The following C13orf42 variants were observed in gnomAD, a reference collection of about 807,000 sequenced individuals.
C13orf42 encodes the protein chromosome 13 open reading frame 42.
intron 1 of C13orf42, chr13:51,172,201 G>A (rs1244669088): frequency 6.6e-6 from 1 of 152,156 alleles, no homozygotes; most frequent in Non-Finnish European, 1.5e-5. Flanking sequence ...TTCCTCCTAA[G>A]CCGCGTCCCA....
intron 3 of C13orf42, among the ~76,000 whole-genome samples, chr13:51,084,599 A>T (rs1050783491): frequency 6.6e-6 from 1 of 152,224 alleles, no homozygotes; most frequent in African/African-American, 2.4e-5. Flanking sequence ...GGGAAATGCT[A>T]TCTAGAAAGC....
chr13:51,117,580 A>C (rs1347766821), intron 1 of C13orf42, among the ~76,000 whole-genome samples: 1 of 152,210 alleles, frequency 6.6e-6, no homozygotes, highest in Non-Finnish European at 1.5e-5. Flanking sequence ...CCAAGGTAGA[A>C]GGCTGAGACT....
chr13:51,160,232 G>A (rs946038072), intron 1 of C13orf42, among the ~76,000 whole-genome samples: 1 of 152,236 alleles, frequency 6.6e-6, no homozygotes, highest in Non-Finnish European at 1.5e-5. Flanking sequence ...TGATTTGTGG[G>A]ACGAGAATGG....
At chr13:51,128,779 A>G (rs1953593726) in intron 1 of C13orf42, among the ~76,000 whole-genome samples, 1 of 152,174 alleles carries the variant, frequency 6.6e-6, no homozygotes, top group Non-Finnish European at 1.5e-5. Context: ...TTAAAGGGAA[A>G]TATTAGGGAA....
intron 1 of C13orf42, among the ~76,000 whole-genome samples, chr13:51,165,023 G>C (rs141355338): frequency 1.3e-5 from 2 of 152,322 alleles, no homozygotes; most frequent in East Asian, 1.9e-4. Context: ...AACTGAGTAA[G>C]ATCATTACGG....
intron 1 of C13orf42, among the ~76,000 whole-genome samples, chr13:51,104,000 T>C (rs555239475): frequency 6.6e-6 from 1 of 152,370 alleles, no homozygotes; most frequent in African/African-American, 2.4e-5. Context: ...TGCCACTGCA[T>C]TGTACGCTTT....
chr13:51,126,609 C>T (rs1482125556), intron 1 of C13orf42, among the ~76,000 whole-genome samples: 3 of 152,290 alleles, frequency 2.0e-5, no homozygotes, highest in East Asian at 3.9e-4. Context: ...ATGGAAGGTG[C>T]TAGGCAAAAA....
chr13:51,131,009 T>A (rs536356437), intron 1 of C13orf42, among the ~76,000 whole-genome samples: 5 of 152,266 alleles, frequency 3.3e-5, no homozygotes, highest in Admixed American at 2.0e-4. Flanking sequence ...TAAAAGAGAT[T>A]CCATGTGCCA....
chr13:51,145,298 G>A (rs1162060488), intron 1 of C13orf42, among the ~76,000 whole-genome samples: 1 of 151,988 alleles, frequency 6.6e-6, no homozygotes, highest in Non-Finnish European at 1.5e-5. Context: ...ATTAATATAT[G>A]GACTTCAGAG....
At chr13:51,102,516 A>G (rs918711483) in intron 1 of C13orf42, among the ~76,000 whole-genome samples, 1 of 152,242 alleles carries the variant, frequency 6.6e-6, no homozygotes, top group African/African-American at 2.4e-5. Context: ...CACTTTTGAC[A>G]GGTATTCTTC....
intron 1 of C13orf42, among the ~76,000 whole-genome samples, chr13:51,101,794 G>A (rs1027207803): frequency 6.6e-6 from 1 of 152,248 alleles, no homozygotes. Flanking sequence ...ACGCAGGGAG[G>A]AGGGAAATCC....
intron 1 of C13orf42, among the ~76,000 whole-genome samples, chr13:51,139,521 A>T (rs1028180441): frequency 2.6e-5 from 4 of 152,186 alleles, no homozygotes; most frequent in Non-Finnish European, 1.5e-5. Context: ...CATTCCCAGG[A>T]AGTGAGACAT....
intron 1 of C13orf42, among the ~76,000 whole-genome samples, chr13:51,126,588 T>C (rs559215868): frequency 1.5e-4 from 23 of 152,346 alleles, no homozygotes; most frequent in African/African-American, 5.5e-4. Context: ...GCAAACAGGA[T>C]GTATTCACAA....
intron 1 of C13orf42, among the ~76,000 whole-genome samples, chr13:51,157,965 C>A (rs969725989): frequency 2.6e-5 from 4 of 152,178 alleles, no homozygotes; most frequent in African/African-American, 9.7e-5. Context: ...CAAGTCACCA[C>A]CCTTAGTGAC....
chr13:51,138,752 T>G (rs1953675583), intron 1 of C13orf42, among the ~76,000 whole-genome samples: 1 of 152,192 alleles, frequency 6.6e-6, no homozygotes, highest in African/African-American at 2.4e-5. Flanking sequence ...TCCAAAAGAA[T>G]TGAAATCAGA....
At chr13:51,155,040 G>A (rs1953814528) in intron 1 of C13orf42, among the ~76,000 whole-genome samples, 1 of 152,114 alleles carries the variant, frequency 6.6e-6, no homozygotes, top group Admixed American at 6.6e-5. Flanking sequence ...CGTATGTTTA[G>A]AAATATATAT....
chr13:51,137,460 G>A (rs1953665823), intron 1 of C13orf42, among the ~76,000 whole-genome samples: 1 of 152,112 alleles, frequency 6.6e-6, no homozygotes, highest in African/African-American at 2.4e-5. Flanking sequence ...AGTCTATGCT[G>A]TCCCTCCCTG....
chr13:51,101,989 A>G (rs561868673), intron 1 of C13orf42, among the ~76,000 whole-genome samples: 4 of 152,348 alleles, frequency 2.6e-5, no homozygotes, highest in African/African-American at 9.6e-5. Context: ...ATATAATTAC[A>G]CATCTTGCAG....
In C13orf42 at chr13:51,082,306, A is replaced by G. The variant is rs1317711937; in HGVS notation, c.*1845T>C. 6.6e-6 allele frequency: 1 copy of G among 152,246 alleles called. No homozygotes were observed. Among genetic ancestry groups the G allele is most frequent in the African/African-American group, 2.4e-5 (1 of 41,462 alleles). 9.4% of individuals were successfully genotyped at this position (152,246 alleles called of 1,614,324 possible). ...AATCATGGAATTTTTCAGGCTGTGTATAGTCTCATGAAAGACAAAAAACAT... is the reference window on the plus strand; with the variant it reads ...AATCATGGAATTTTTCAGGCTGTGTGTAGTCTCATGAAAGACAAAAAACAT... On this transcript the variant is annotated 3_prime_UTR_variant, in exon 4 of 4. Coordinates refer to ENST00000563710, the MANE Select transcript of C13orf42 (RefSeq NM_001351589.3).
Sources: allele counts gnomAD v4.1 joint callset (sites outside exome capture counted in the v4.1 genomes callset), GRCh38; gene constraint gnomAD v4.1.1; transcripts MANE v1.5; gene names NCBI Gene and HGNC (gene_info 2026-07-23, HGNC 2026-07-21).